PMFBP1: variants seen among roughly 807,000 people sequenced by gnomAD.
PMFBP1 encodes the protein polyamine modulated factor 1 binding protein 1.
PMFBP1 carries 131 observed loss-of-function variants against 137.8 expected under a neutral mutation model. The ratio of observed to expected loss-of-function variants is 0.95; its 90% CI spans 0.82 to 1.10. PMFBP1 has a LOEUF of 1.10. PMFBP1 is among the 50% of genes least tolerant of loss of function. PMFBP1 has a pLI of 0.00. For missense variants in PMFBP1, 1,199 were observed against 1,175.4 expected, an observed-to-expected ratio of 1.02 and a Z score of -0.29; for synonymous variants, 490 against 450.4, an observed-to-expected ratio of 1.09 and a Z score of -1.11.
At chr16:72,182,112 C>G in the PMFBP1 span, among the ~76,000 whole-genome samples, 4 of 152,224 alleles carry the variant, frequency 2.6e-5, no homozygotes, top group African/African-American at 9.6e-5. Context: ...CATGGAGTCA[C>G]TTTGCTTTGT....
upstream of PMFBP1, among the ~76,000 whole-genome samples, chr16:72,180,356 G>T (rs768265227): frequency 6.6e-6 from 1 of 152,090 alleles, no homozygotes; most frequent in Non-Finnish European, 1.5e-5. Context: ...CTCCACTGGT[G>T]TTAAGACCTC....
the PMFBP1 span, among the ~76,000 whole-genome samples, chr16:72,194,559 T>C: frequency 1.3e-5 from 2 of 152,346 alleles, no homozygotes; most frequent in South Asian, 2.1e-4. Flanking sequence ...CTGAAAATCT[T>C]TGAGCTTGAG....
downstream of PMFBP1, among the ~76,000 whole-genome samples, chr16:72,116,864 C>G (rs946223737): frequency 1.3e-5 from 2 of 151,876 alleles, no homozygotes; most frequent in African/African-American, 2.4e-5. Context: ...GTTTGTATGT[C>G]TGTCTTTTGA....
chr16:72,151,348 G>C (rs1320102061), intron 4 of PMFBP1, among the ~76,000 whole-genome samples: 4 of 152,148 alleles, frequency 2.6e-5, no homozygotes, highest in African/African-American at 9.7e-5. Context: ...CAAGTAATTA[G>C]TCAACAAACT....
At chr16:72,225,334 G>A in the PMFBP1 span, among the ~76,000 whole-genome samples, 31 of 152,098 alleles carry the variant, frequency 2.0e-4, no homozygotes. Context: ...TAGTCTCCGA[G>A]GTCAAGCTTA....
the PMFBP1 span, among the ~76,000 whole-genome samples, chr16:72,240,713 C>A: frequency 6.6e-6 from 1 of 152,180 alleles, no homozygotes; most frequent in Admixed American, 6.5e-5. Flanking sequence ...CTGCTGTTCT[C>A]CGGCTGAGTG....
chr16:72,193,305 G>A, the PMFBP1 span, among the ~76,000 whole-genome samples: 3 of 152,068 alleles, frequency 2.0e-5, no homozygotes, highest in Non-Finnish European at 2.9e-5. Context: ...TGGGAGGATT[G>A]CTTGAGCCCA....
chr16:72,170,843 C>G (rs533665659), intron 2 of PMFBP1, among the ~76,000 whole-genome samples: 1 of 152,284 alleles, frequency 6.6e-6, no homozygotes, highest in South Asian at 2.1e-4. Context: ...TAAGTGCTTT[C>G]TACATGCACT....
At chr16:72,129,816 A>G (rs1420723154) in intron 12 of PMFBP1, among the ~76,000 whole-genome samples, 1 of 152,060 alleles carries the variant, frequency 6.6e-6, no homozygotes, top group Non-Finnish European at 1.5e-5. Flanking sequence ...ATTGGTGGTG[A>G]TATCTTTCCC....
chr16:72,159,710 G>A (rs1314227172), intron 3 of PMFBP1, among the ~76,000 whole-genome samples: 1 of 151,934 alleles, frequency 6.6e-6, no homozygotes, highest in Non-Finnish European at 1.5e-5. Flanking sequence ...AAAAAGACAC[G>A]CTATGGATGA....
At chr16:72,239,295 G>A in the PMFBP1 span, among the ~76,000 whole-genome samples, 1 of 152,128 alleles carries the variant, frequency 6.6e-6, no homozygotes, top group Non-Finnish European at 1.5e-5. Context: ...CATTTGTTTT[G>A]AGACTTGAAG....
At chr16:72,134,342 T>A (rs12929749) in intron 9 of PMFBP1, among the ~76,000 whole-genome samples, 1 of 151,908 alleles carries the variant, frequency 6.6e-6, no homozygotes, top group African/African-American at 2.4e-5. Flanking sequence ...GCCACCACAC[T>A]CAGCTAGTTT....
At chr16:72,151,247 C>T (rs2042898652) in intron 4 of PMFBP1, among the ~76,000 whole-genome samples, 1 of 152,164 alleles carries the variant, frequency 6.6e-6, no homozygotes. Flanking sequence ...AGGACTATGT[C>T]AGGAAAGTTC....
the PMFBP1 span, among the ~76,000 whole-genome samples, chr16:72,226,485 C>T: frequency 2.0e-5 from 3 of 152,114 alleles, no homozygotes; most frequent in Non-Finnish European, 2.9e-5. Flanking sequence ...ACTGTTTCTG[C>T]CCCCATTTCA....
At chr16:72,200,661 C>T in the PMFBP1 span, among the ~76,000 whole-genome samples, 2 of 152,190 alleles carry the variant, frequency 1.3e-5, no homozygotes, top group South Asian at 2.1e-4. Flanking sequence ...TCTGCAATAG[C>T]AATTTTATTA....
chr16:72,173,651 A>G (rs1251607748), upstream of PMFBP1, among the ~76,000 whole-genome samples: 1 of 152,214 alleles, frequency 6.6e-6, no homozygotes, highest in Non-Finnish European at 1.5e-5. Flanking sequence ...TGATGAAAAA[A>G]CTGGAAGTGT....
the PMFBP1 span, among the ~76,000 whole-genome samples, chr16:72,242,595 T>G: frequency 2.0e-5 from 3 of 152,222 alleles, no homozygotes; most frequent in African/African-American, 7.2e-5. Flanking sequence ...TGGTCTTGAT[T>G]ACACTGCACT....
the PMFBP1 span, among the ~76,000 whole-genome samples, chr16:72,199,029 T>G: frequency 6.6e-6 from 1 of 152,218 alleles, no homozygotes; most frequent in Non-Finnish European, 1.5e-5. Context: ...AGATGCCAAA[T>G]GAGGCTTTGT....
chr16:72,155,255 T>G (rs559656459), intron 3 of PMFBP1, among the ~76,000 whole-genome samples: 1 of 152,262 alleles, frequency 6.6e-6, no homozygotes, highest in South Asian at 2.1e-4. Context: ...CAATGACACG[T>G]GAGGTTAAGG....
Sources: gnomAD v4.1 joint callset for allele counts (sites outside exome capture counted in the v4.1 genomes callset) on GRCh38, gnomAD v4.1.1 for gene constraint, MANE v1.5 for transcripts, NCBI Gene and HGNC (gene_info 2026-07-23, HGNC 2026-07-21) for gene names.